The following SNRNP48 variants were observed in gnomAD, a reference collection of about 807,000 sequenced individuals.
SNRNP48 encodes U11/U12 small nuclear ribonucleoprotein 48 kDa protein.
SNRNP48 carries 43 observed loss-of-function variants against 47.0 expected under a neutral mutation model. The ratio of observed to expected loss-of-function variants is 0.92; its 90% CI spans 0.72 to 1.18. The LOEUF is 1.18. Among genes scored for constraint, SNRNP48 ranks in the 50% most tolerant of loss-of-function variants. The pLI is 0.00. For synonymous variants in SNRNP48, 138 were observed against 144.0 expected (o/e 0.96, Z 0.30); for missense variants, 396 against 422.2 (o/e 0.94, Z 0.54).
intron 1 of SNRNP48, among the ~76,000 whole-genome samples, chr6:7,590,823 CA>C (rs1759803529): frequency 6.6e-6 from 1 of 152,046 alleles, no homozygotes; most frequent in South Asian, 2.1e-4. Context: ...ACCAAAAGTA[CA>C]AAAATTAGCC....
chr6:7,598,449 G>A (rs1257217069), intron 4 of SNRNP48, among the ~76,000 whole-genome samples: 1 of 151,996 alleles, frequency 6.6e-6, no homozygotes, highest in Non-Finnish European at 1.5e-5. Context: ...GAGCCAAGAT[G>A]GCGCCACTGC....
chr6:7,590,243 G>C lies in SNRNP48; in HGVS notation c.-15G>C, dbSNP rs1157899794. 59 of 1,302,250 alleles carry C rather than the reference G, an allele frequency of 4.5e-5. No homozygotes were observed. The highest frequency in any genetic ancestry group is 5.7e-5 in the Non-Finnish European group (58 of 1,017,570). The allele number at this position is 1,302,250 out of a possible 1,614,324, so 80.7% of individuals were successfully genotyped here. Reference sequence around the variant, plus strand: ...TGCAGTTCGGCCGCTTCCTCTTGGCGGGTGGGCTGCAGCTATGGAGGGCGA... The same window carrying C: ...TGCAGTTCGGCCGCTTCCTCTTGGCCGGTGGGCTGCAGCTATGGAGGGCGA... On this transcript the variant is annotated 5_prime_UTR_variant, in exon 1 of 9. Coordinates refer to ENST00000342415, the MANE Select transcript of SNRNP48 (RefSeq NM_152551.4).
At position 7,590,221 on chromosome 6, in the gene SNRNP48, A is replaced by C. The variant is rs1256749333; in HGVS notation, c.-37A>C. 7 of 1,279,578 alleles carry C rather than the reference A, an allele frequency of 5.5e-6. No individual in the cohort carries two copies. The highest frequency in any genetic ancestry group is 6.0e-6 in the Non-Finnish European group (6 of 1,005,454). The allele number at this position is 1,279,578 out of a possible 1,614,324, so 79.3% of individuals were successfully genotyped here. On this transcript the variant is annotated 5_prime_UTR_variant, in exon 1 of 9. Transcript: ENST00000342415. ...CCAGAGGCCTGCGCGTGCGGTCTGC[A>C]GTTCGGCCGCTTCCTCTTGGCGGGT...
Position 7,590,354 on chromosome 6 carries a change from ACCGCGTCCCT to A in SNRNP48, c.98_107del (p.Thr33ArgfsTer5). 1 of 1,390,234 alleles carries A rather than the reference ACCGCGTCCCT, an allele frequency of 7.2e-7. No homozygotes were observed. The highest frequency in any genetic ancestry group is 9.4e-7 in the Non-Finnish European group (1 of 1,059,188). 86.1% of individuals were successfully genotyped at this position (1,390,234 alleles called of 1,614,324 possible). ...CGGCTGCCGGACGTTGGAGGAGGTGACCGCGTCCCTGGGCTGGGACCTAGATAGTCTGGAT... is the reference window on the plus strand; with the variant it reads ...CGGCTGCCGGACGTTGGAGGAGGTGAGGGCTGGGACCTAGATAGTCTGGAT... On this transcript the variant is annotated frameshift_variant, in exon 1 of 9. Transcript: ENST00000342415. LOFTEE classifies it high-confidence loss of function.
At position 7,605,393 on chromosome 6, in the gene SNRNP48, C is replaced by A. The variant is rs1186422740; in HGVS notation, c.718-5C>A. 3.1e-6 allele frequency: 5 copies of A among 1,613,396 alleles called. 1 individual carries two copies. In the South Asian group the frequency reaches 5.5e-5, roughly 18 times the overall value. On this transcript the variant is annotated splice_polypyrimidine_tract_variant and splice_region_variant and intron_variant, in intron 6 of 8. Coordinates refer to ENST00000342415, the MANE Select transcript of SNRNP48 (RefSeq NM_152551.4). ...ACCTGAAGTTCGGTGCTTACCTCTC[C>A]CAAGGTGATTCGAGATGTGATAAAT...
intron 8 of SNRNP48, among the ~76,000 whole-genome samples, chr6:7,608,503 A>G (rs1969734): frequency 0.7 from 106,982 of 152,002 alleles, 38,219 homozygotes; most frequent in African/African-American, 0.84. Context: ...GCAGTGAGCC[A>G]AGATCGTGCC....
At position 7,605,480 on chromosome 6, in the gene SNRNP48, C is replaced by A; in HGVS notation, c.800C>A (p.Ala267Asp). ...GAGCAAGAGAAGGCAGAGGATGATG[C>A]CGAAAAGTACGTCATTATCTTTATT... ...QEEQEKAEDD[A>D]EKNEERRSAS... Residue 267 changes from alanine to aspartate, a missense_variant, in exon 7 of 9, where the codon GCC (alanine) becomes GAC (aspartate). Ala to Asp is a moderately radical substitution (Grantham distance 126). Coordinates refer to ENST00000342415, the MANE Select transcript of SNRNP48 (RefSeq NM_152551.4). 3 of 1,613,148 alleles carry A rather than the reference C, an allele frequency of 1.9e-6. No individual in the cohort carries two copies. The South Asian group carries it at 3.3e-5, about 18-fold the overall frequency.
At chr6:7,602,002 T>G (rs931241354) in intron 5 of SNRNP48, among the ~76,000 whole-genome samples, 4 of 152,002 alleles carry the variant, frequency 2.6e-5, no homozygotes, top group Non-Finnish European at 5.9e-5. Flanking sequence ...TACAGACATG[T>G]GCCACCACAC....
chr6:7,606,189 A>T lies in SNRNP48; in HGVS notation c.965A>T (p.Lys322Ile), dbSNP rs1168939520. ...AAAAACTGTGAGTCGAGAAGAAGGA[A>T]AGAGAGGTGGGTCTAACCCTGCATC... ...KDKNCESRRR[K>I]ERDGERHHSH... Residue 322 changes from lysine (K) to isoleucine (I), a missense_variant, in exon 8 of 9, where the codon AAA becomes ATA. Physicochemically the swap from Lys to Ile is moderately radical, Grantham distance 102 (BLOSUM62 -3). Transcript: ENST00000342415. 1 of 1,608,968 alleles carries T rather than the reference A, an allele frequency of 6.2e-7. No individual in the cohort carries two copies. Among genetic ancestry groups the T allele is most frequent in the South Asian group, 1.1e-5 (1 of 90,334 alleles).
rs969583797 is a variant in SNRNP48 at position 7,600,218 on chromosome 6, A to G, written c.407-1118A>G. ...CGTGTTAAACCATGGCCTCAGATTC[A>G]CTGCAGCTCTCCTCTTAATATGTAG... On this transcript the variant is annotated intron_variant, in intron 4 of 8. Transcript: ENST00000342415. 10 of 985,400 alleles carry G rather than the reference A, an allele frequency of 1.0e-5. No homozygotes were observed. The African/African-American group carries it at 1.7e-4, about 17-fold the overall frequency. The allele number at this position is 985,400 out of a possible 1,614,324, so 61.0% of individuals were successfully genotyped here. A position where few individuals can be genotyped will look rare whatever the true frequency, so the allele number is the denominator to read the frequency against.
intron 4 of SNRNP48, among the ~76,000 whole-genome samples, chr6:7,596,193 G>T (rs544950003): frequency 4.5e-4 from 68 of 152,150 alleles, no homozygotes; most frequent in Non-Finnish European, 7.9e-4. Flanking sequence ...TTGAACCCAG[G>T]AGGCGGAGGT....
At chr6:7,597,989 C>G (rs535307476) in intron 4 of SNRNP48, among the ~76,000 whole-genome samples, 4 of 151,320 alleles carry the variant, frequency 2.6e-5, no homozygotes, top group South Asian at 2.1e-4. Flanking sequence ...CCTCAGGTCC[C>G]GAGTAGCTGG....
At chr6:7,603,797 A>T (rs929566264) in intron 6 of SNRNP48, among the ~76,000 whole-genome samples, 2 of 152,216 alleles carry the variant, frequency 1.3e-5, no homozygotes, top group African/African-American at 4.8e-5. Context: ...GGTCCCTGTC[A>T]TACTACCTTG....
intron 4 of SNRNP48, chr6:7,599,977 TA>T: frequency 1.0e-6 from 1 of 991,122 alleles, no homozygotes. Flanking sequence ...AGCTTGTTTG[TA>T]ATACATCATT....
At chr6:7,595,594 G>T (rs1342135531) in intron 4 of SNRNP48, among the ~76,000 whole-genome samples, 1 of 152,194 alleles carries the variant, frequency 6.6e-6, no homozygotes, top group East Asian at 1.9e-4. Flanking sequence ...CCCCATGTAA[G>T]TCAAGGAACA....
At chr6:7,605,111 C>A (rs1006476892) in intron 6 of SNRNP48, among the ~76,000 whole-genome samples, 29 of 152,046 alleles carry the variant, frequency 1.9e-4, no homozygotes, top group Admixed American at 1.5e-3. Context: ...ACCTCATAAC[C>A]CTTTATCCCC....
intron 4 of SNRNP48, 59 bp from the exon 5 acceptor site, chr6:7,601,277 A>G (rs920022091): frequency 1.9e-5 from 26 of 1,373,520 alleles, no homozygotes; most frequent in Non-Finnish European, 2.3e-5. Flanking sequence ...TAATTATTAG[A>G]TTTTAAGTTC....
intron 4 of SNRNP48, chr6:7,600,636 A>G (rs1759999366): frequency 1.3e-5 from 2 of 152,202 alleles, no homozygotes; most frequent in African/African-American, 4.8e-5. Context: ...CAGATTTTAG[A>G]AAATTCTGTA....
chr6:7,605,954 T>C (rs1760116536), intron 7 of SNRNP48, 77 bp from the exon 8 acceptor site: 14 of 1,410,344 alleles, frequency 9.9e-6, no homozygotes, highest in African/African-American at 1.4e-5. Flanking sequence ...TATTACACTT[T>C]AGACTGGTGT....
Sources: gnomAD v4.1 joint callset for allele counts (sites outside exome capture counted in the v4.1 genomes callset) on GRCh38, gnomAD v4.1.1 for gene constraint, MANE v1.5 for transcripts, NCBI Gene and HGNC (gene_info 2026-07-23, HGNC 2026-07-21) for gene names.